The following KIAA0513 variants were observed in gnomAD, a reference collection of about 807,000 sequenced individuals.
The protein encoded by KIAA0513 is uncharacterized protein KIAA0513.
KIAA0513 carries 39 observed loss-of-function variants against 56.5 expected under a neutral mutation model. The observed-to-expected ratio is 0.69, with a 90% CI of 0.53 to 0.90. KIAA0513 has a LOEUF of 0.90. Among genes scored for constraint, KIAA0513 ranks in the 40% least tolerant of loss-of-function variants. KIAA0513 has a pLI of 0.00. For synonymous variants in KIAA0513, 268 were observed against 215.6 expected, an observed-to-expected ratio of 1.24 and a Z score of -2.13; for missense variants, 591 against 535.2, an observed-to-expected ratio of 1.10 and a Z score of -1.03.
intron 2 of KIAA0513, among the ~76,000 whole-genome samples, chr16:85,068,823 C>A (rs1431122977): frequency 2.0e-5 from 3 of 152,122 alleles, no homozygotes; most frequent in African/African-American, 7.2e-5. Context: ...TTCCCTCCGC[C>A]AACGCTTGTC....
chr16:85,079,287 T>G, intron 8 of KIAA0513: 3 of 478,964 alleles, frequency 6.3e-6, no homozygotes, highest in Non-Finnish European at 1.1e-5. Flanking sequence ...ACCCAGCAGC[T>G]CCACTCCTAG....
intron 3 of KIAA0513, among the ~76,000 whole-genome samples, chr16:85,072,182 C>G (rs954143820): frequency 6.6e-6 from 1 of 151,978 alleles, no homozygotes; most frequent in Non-Finnish European, 1.5e-5. Context: ...GTGAGGTCCC[C>G]CCTCCCCGCA....
At chr16:85,059,614 T>C (rs16975174) in intron 1 of KIAA0513, among the ~76,000 whole-genome samples, 12,835 of 152,126 alleles carry the variant, frequency 0.084, 1,754 homozygotes, top group African/African-American at 0.28. Flanking sequence ...CAACTGGGAG[T>C]GAAAGCAATA....
At chr16:85,078,871 CA>C (rs767355771) in intron 7 of KIAA0513, 53 bp from the exon 8 acceptor site, 111 of 1,596,522 alleles carry the variant, frequency 7.0e-5, no homozygotes, top group Non-Finnish European at 9.4e-5. Flanking sequence ...CGGGGTTTGC[CA>C]ACAGTGGGTG....
At chr16:85,056,133 C>T (rs919452270) in intron 1 of KIAA0513, among the ~76,000 whole-genome samples, 1 of 152,274 alleles carries the variant, frequency 6.6e-6, no homozygotes, top group Non-Finnish European at 1.5e-5. Flanking sequence ...CCAGCAGGCA[C>T]CTTGAACTCA....
Position 85,076,247 on chromosome 16 carries a change from G to A in KIAA0513, c.574+333G>A, listed in dbSNP as rs1474712105. 6.6e-6 allele frequency among the ~76,000 whole-genome samples: 1 copy of A among 152,182 alleles called. No individual in the cohort carries two copies. The highest frequency in any genetic ancestry group is 1.5e-5 in the Non-Finnish European group (1 of 68,024). ...GGAAACAGGAACTGCTGGACATGAAGTTATCAGTTTTATGTTTTACCAAAA... is the reference window on the plus strand; with the variant it reads ...GGAAACAGGAACTGCTGGACATGAAATTATCAGTTTTATGTTTTACCAAAA... On this transcript the variant is annotated intron_variant, in intron 5 of 12. Coordinates refer to ENST00000683363, the MANE Select transcript of KIAA0513 (RefSeq NM_001388359.1). The surrounding 1 kb of genome is among the most constrained non-coding windows in gnomAD (Gnocchi z 4.7).
In KIAA0513 at chr16:85,049,399, T is replaced by C. The variant is rs912794062; in HGVS notation, c.-172-17501T>C. On this transcript the variant is annotated intron_variant, in intron 1 of 12. Coordinates refer to ENST00000683363, the MANE Select transcript of KIAA0513 (RefSeq NM_001388359.1). ...TGGTTCCGTTCCACCCTCACCTACC[T>C]TGGGTTCTGATACGGTTTGGTTCTG... 5.9e-5 allele frequency among the ~76,000 whole-genome samples: 9 copies of C among 152,324 alleles called. 1 individual carries two copies. In the South Asian group the frequency reaches 1.0e-3, roughly 18 times the overall value.
intron 5 of KIAA0513, among the ~76,000 whole-genome samples, 189 bp from the exon 6 acceptor site, chr16:85,077,236 G>C (rs1399008226): frequency 6.6e-6 from 1 of 152,056 alleles, no homozygotes; most frequent in East Asian, 1.9e-4. Flanking sequence ...GGGCACTCAC[G>C]GGGAGCAGGG....
At chr16:85,078,680 G>A (rs2073695841) in intron 7 of KIAA0513, among the ~76,000 whole-genome samples, 1 of 152,244 alleles carries the variant, frequency 6.6e-6, no homozygotes, top group Admixed American at 6.5e-5. Flanking sequence ...ATCCCAGGAA[G>A]GCTAAGGGTT....
At chr16:85,053,714 C>T (rs1275932323) in intron 1 of KIAA0513, among the ~76,000 whole-genome samples, 2 of 152,092 alleles carry the variant, frequency 1.3e-5, no homozygotes, top group East Asian at 3.9e-4. Context: ...TTTTTAAGGC[C>T]AGGCGCGGTG....
At chr16:85,054,949 G>A (rs975519281) in intron 1 of KIAA0513, among the ~76,000 whole-genome samples, 1 of 152,052 alleles carries the variant, frequency 6.6e-6, no homozygotes, top group Non-Finnish European at 1.5e-5. Flanking sequence ...TTGAGGCAGG[G>A]TCTCTCTCTG....
intron 10 of KIAA0513, among the ~76,000 whole-genome samples, chr16:85,085,928 C>A (rs2073802728): frequency 6.6e-6 from 1 of 152,218 alleles, no homozygotes; most frequent in African/African-American, 2.4e-5. Flanking sequence ...TGGTCCATAG[C>A]ATTCACAGGG....
At position 85,088,664 on chromosome 16, in the gene KIAA0513, G is replaced by A. The variant is rs541418292; in HGVS notation, c.*339G>A. 4.4e-4 allele frequency: 125 copies of A among 282,078 alleles called. No individual in the cohort carries two copies. Among genetic ancestry groups the A allele is most frequent in the African/African-American group, 2.5e-3 (117 of 46,072 alleles). The allele number at this position is 282,078 out of a possible 1,614,324, so 17.5% of individuals were successfully genotyped here. A position where few individuals can be genotyped will look rare whatever the true frequency, so the allele number is the denominator to read the frequency against. On this transcript the variant is annotated 3_prime_UTR_variant, in exon 13 of 13. Transcript: ENST00000683363. ...TCGTGGGCCAAGGGCTGGCGAGGGT[G>A]GGGGCGGGCAAGGGATGCAGGCAGG...
chr16:85,076,283 CAGTT>C lies in KIAA0513; in HGVS notation c.574+370_574+373del, dbSNP rs1462420988. On this transcript the variant is annotated intron_variant, in intron 5 of 12. Coordinates refer to ENST00000683363, the MANE Select transcript of KIAA0513 (RefSeq NM_001388359.1). This position sits in a 1 kb window ranked among gnomAD's most constrained non-coding sequence, Gnocchi z 4.7. ...TATGTTTTACCAAAACAAGACGACACAGTTGGTTGTTGGAGGGTGGTGGGGAGGA... is the reference window on the plus strand; with the variant it reads ...TATGTTTTACCAAAACAAGACGACACGGTTGTTGGAGGGTGGTGGGGAGGA... Among the ~76,000 whole-genome samples the C allele has an allele frequency of 3.3e-5, 5 of 152,178 alleles. No individual in the cohort carries two copies. The highest frequency in any genetic ancestry group is 4.8e-5 in the African/African-American group (2 of 41,426).
At chr16:85,049,016 A>C (rs949778628) in intron 1 of KIAA0513, among the ~76,000 whole-genome samples, 55 of 152,204 alleles carry the variant, frequency 3.6e-4, no homozygotes, top group Non-Finnish European at 1.5e-5. Flanking sequence ...ATTAGGGCAG[A>C]AGTTCTTTCT....
In KIAA0513 at chr16:85,082,576, AGAG is replaced by A. The variant is rs755751589; in HGVS notation, c.1003_1005del (p.Glu335del). 23 of 1,613,778 alleles carry A rather than the reference AGAG, an allele frequency of 1.4e-5. No individual in the cohort carries two copies. The highest frequency in any genetic ancestry group is 8.9e-5 in the East Asian group (4 of 44,852). ...GCTGCCGCTCCAGAGGGGATGCTGGAGAGGAGGAGGAGAAGAGGTGTGTGTGTC... is the reference window on the plus strand; with the variant it reads ...GCTGCCGCTCCAGAGGGGATGCTGGAGAGGAGGAGAAGAGGTGTGTGTGTC... On this transcript the variant is annotated inframe_deletion, in exon 10 of 13. Transcript: ENST00000683363.
chr16:85,046,707 C>A (rs1431027714), intron 1 of KIAA0513, among the ~76,000 whole-genome samples: 2 of 152,194 alleles, frequency 1.3e-5, no homozygotes, highest in African/African-American at 2.4e-5. Context: ...CCTTTGTCAT[C>A]TTCATTCTGC....
At chr16:85,055,964 A>C (rs11647328) in intron 1 of KIAA0513, among the ~76,000 whole-genome samples, 61,570 of 151,962 alleles carry the variant, frequency 0.41, 13,987 homozygotes, top group African/African-American at 0.62. Context: ...CTTTCCCTCC[A>C]GTGTCTCCCC....
At chr16:85,041,275 G>A (rs1033735945) in intron 1 of KIAA0513, among the ~76,000 whole-genome samples, 2 of 152,104 alleles carry the variant, frequency 1.3e-5, no homozygotes, top group Middle Eastern at 3.2e-3. Context: ...CTGTCACTTC[G>A]CGCCAACTGT....
Sources: allele counts gnomAD v4.1 joint callset (sites outside exome capture counted in the v4.1 genomes callset), GRCh38; gene constraint gnomAD v4.1.1; non-coding constraint Gnocchi (gnomAD v3.1); transcripts MANE v1.5; gene names NCBI Gene and HGNC (gene_info 2026-07-23, HGNC 2026-07-21).